S100A8: variants seen among roughly 807,000 people sequenced by gnomAD.
The protein encoded by S100A8 is S100 calcium binding protein A8, also known as protein S100-A8.
S100A8 carries 1 observed loss-of-function variant against 4.2 expected under a neutral mutation model. That is an observed-to-expected ratio of 0.24 (90% CI 0.08 to 1.12). S100A8 has a LOEUF of 1.12. S100A8 is among the 50% of genes most tolerant of loss of function. The probability of loss-of-function intolerance (pLI) is 0.53; values close to 1 mark genes in which losing one functional copy is unlikely to be tolerated. For missense variants in S100A8, 96 were observed against 111.8 expected, an observed-to-expected ratio of 0.86 and a Z score of 0.64; for synonymous variants, 41 against 44.7, an observed-to-expected ratio of 0.92 and a Z score of 0.33.
At chr1:153,409,756 G>C in the S100A8 span, among the ~76,000 whole-genome samples, 3 of 152,158 alleles carry the variant, frequency 2.0e-5, no homozygotes, top group East Asian at 5.8e-4. Context: ...AAATGTAAAA[G>C]AACAGAAGTT....
chr1:153,392,879 A>G (rs889492594), upstream of S100A8, among the ~76,000 whole-genome samples: 2 of 152,212 alleles, frequency 1.3e-5, no homozygotes, highest in African/African-American at 4.8e-5. Flanking sequence ...AGCACACACA[A>G]TAACAGCAGC....
chr1:153,417,292 A>G, the S100A8 span: 1 of 152,188 alleles, frequency 6.6e-6, no homozygotes, highest in Admixed American at 6.5e-5. Flanking sequence ...AGACATTTTT[A>G]TTTAAACAGG....
At chr1:153,413,015 A>T in the S100A8 span, among the ~76,000 whole-genome samples, 1 of 152,202 alleles carries the variant, frequency 6.6e-6, no homozygotes, top group African/African-American at 2.4e-5. Flanking sequence ...AGATAGCATT[A>T]GGAGATATAC....
upstream of S100A8, among the ~76,000 whole-genome samples, chr1:153,394,932 C>A (rs748945118): frequency 6.6e-6 from 1 of 152,176 alleles, no homozygotes; most frequent in Non-Finnish European, 1.5e-5. Flanking sequence ...CTCAGGACAC[C>A]GGTTCCCAGA....
chr1:153,412,163 T>C, the S100A8 span, among the ~76,000 whole-genome samples: 77 of 152,148 alleles, frequency 5.1e-4, no homozygotes, highest in African/African-American at 1.7e-3. Flanking sequence ...AGCTTCTGCA[T>C]AGCAAAAGAA....
chr1:153,401,820 T>A, the S100A8 span, among the ~76,000 whole-genome samples: 10 of 152,152 alleles, frequency 6.6e-5, no homozygotes, highest in African/African-American at 2.4e-4. Context: ...ATTAAAGAAA[T>A]CTCATATGGT....
the S100A8 span, among the ~76,000 whole-genome samples, chr1:153,415,249 G>A: frequency 1.3e-5 from 2 of 152,002 alleles, no homozygotes; most frequent in African/African-American, 4.8e-5. Context: ...GGGAAACTGG[G>A]AGAGGGAGAA....
At chr1:153,405,748 G>A in the S100A8 span, among the ~76,000 whole-genome samples, 5 of 151,962 alleles carry the variant, frequency 3.3e-5, no homozygotes, top group African/African-American at 9.7e-5. Flanking sequence ...CATAAAACCT[G>A]CATTTCCATA....
chr1:153,404,336 G>A, the S100A8 span, among the ~76,000 whole-genome samples: 3 of 152,156 alleles, frequency 2.0e-5, no homozygotes, highest in Admixed American at 1.3e-4. Context: ...CCCAGTGTGG[G>A]GCTGAAAGCT....
upstream of S100A8, among the ~76,000 whole-genome samples, chr1:153,395,681 C>T (rs191775699): frequency 3.9e-5 from 6 of 152,318 alleles, no homozygotes; most frequent in Non-Finnish European, 5.9e-5. Flanking sequence ...GGATCCCTTA[C>T]CAAAAGGATA....
At chr1:153,390,789 G>C (rs551180231) in intron 1 of S100A8, 2 of 572,618 alleles carry the variant, frequency 3.5e-6, no homozygotes, top group Admixed American at 3.4e-5. Flanking sequence ...CACGGGGCCC[G>C]TAGACTTTCC....
chr1:153,419,213 T>C, the S100A8 span: 1 of 1,614,148 alleles, frequency 6.2e-7, no homozygotes, highest in Middle Eastern at 1.6e-4. Flanking sequence ...ATAAGAAGAT[T>C]GATTTTTCTG....
At chr1:153,398,504 G>A in the S100A8 span, among the ~76,000 whole-genome samples, 1 of 152,124 alleles carries the variant, frequency 6.6e-6, no homozygotes, top group African/African-American at 2.4e-5. Flanking sequence ...CATGCCATCA[G>A]CACCATCCCT....
the S100A8 span, among the ~76,000 whole-genome samples, chr1:153,414,760 G>C: frequency 2.6e-5 from 4 of 152,116 alleles, no homozygotes; most frequent in African/African-American, 9.7e-5. Context: ...CACACTCTTC[G>C]GGATTTACCC....
the S100A8 span, among the ~76,000 whole-genome samples, chr1:153,414,343 T>C: frequency 1.3e-5 from 2 of 152,216 alleles, no homozygotes; most frequent in African/African-American, 4.8e-5. Context: ...TGGGAGAAAA[T>C]ATTTACAAAA....
the S100A8 span, among the ~76,000 whole-genome samples, chr1:153,405,084 C>G: frequency 1.3e-5 from 2 of 151,540 alleles, no homozygotes; most frequent in Non-Finnish European, 1.5e-5. Context: ...TTCCTGGAGT[C>G]CCCCCCACCC....
chr1:153,396,483 GGACACACACA>G, the S100A8 span: 1 of 152,790 alleles, frequency 6.5e-6, no homozygotes, highest in African/African-American at 2.4e-5. Context: ...ACACACACAG[GGACACACACA>G]GACACACACA....
chr1:153,391,928 C>A (rs375754536), upstream of S100A8, among the ~76,000 whole-genome samples: 1 of 152,076 alleles, frequency 6.6e-6, no homozygotes, highest in African/African-American at 2.4e-5. Flanking sequence ...AAGCCAGACG[C>A]GCTTCATGCC....
the S100A8 span, chr1:153,419,327 G>A: frequency 6.2e-7 from 1 of 1,609,848 alleles, no homozygotes; most frequent in Non-Finnish European, 8.5e-7. Context: ...CCACCAAGGG[G>A]CCTCCAGAGA....
Sources: allele counts gnomAD v4.1 joint callset (sites outside exome capture counted in the v4.1 genomes callset), GRCh38; gene constraint gnomAD v4.1.1; transcripts MANE v1.5; gene names NCBI Gene and HGNC (gene_info 2026-07-23, HGNC 2026-07-21).